ANKRD30A: variants seen among roughly 807,000 people sequenced by gnomAD.
The protein encoded by ANKRD30A is ankyrin repeat domain-containing protein 30A.
In ANKRD30A, 170 loss-of-function variants were observed where a neutral mutation model predicts 166.3. The observed-to-expected ratio is 1.02, with a 90% CI of 0.90 to 1.16. The LOEUF (loss-of-function observed/expected upper bound fraction) is 1.16, where lower values mean the gene tolerates loss of function less well. Ranked by LOEUF, ANKRD30A falls within the 50% of genes most tolerant of loss-of-function variation. The pLI is 0.00. For missense variants in ANKRD30A, 1,630 were observed against 1,518.0 expected (o/e 1.07, Z -1.23); for synonymous variants, 564 against 508.9 (o/e 1.11, Z -1.46).
rs1841224649 is a variant in ANKRD30A, at chr10:37,197,456, A to C, written c.2692A>C (p.Lys898Gln). Reference sequence around the variant, plus strand: ...TGTTCCAAATAAAGCCTTGGAATTGAAGAATGAACAAACATTGAGAGCAGG... The same window carrying C: ...TGTTCCAAATAAAGCCTTGGAATTGCAGAATGAACAAACATTGAGAGCAGG... ...KSVPNKALEL[K>Q]NEQTLRADQM... The change falls in exon 29 of 36, where the codon AAG (lysine) becomes CAG (glutamine). Residue 898 changes from lysine to glutamine, a missense_variant. Physicochemically the swap from Lys to Gln is moderately conservative, Grantham distance 53 (BLOSUM62 1). Around this residue, in one of 4 missense-constraint regions of ANKRD30A, gnomAD observed 712 missense variants for 629.3 expected, o/e 1.13. Coordinates refer to ENST00000361713, the MANE Select transcript of ANKRD30A (RefSeq NM_052997.3). 6.2e-7 allele frequency: 1 copy of C among 1,612,408 alleles called. No homozygotes were observed. The highest frequency in any genetic ancestry group is 8.5e-7 in the Non-Finnish European group (1 of 1,179,706).
intron 15 of ANKRD30A, 26 bp from the exon 16 acceptor site, chr10:37,162,623 G>A (rs1288966250): frequency 6.2e-7 from 1 of 1,611,554 alleles, no homozygotes; most frequent in Non-Finnish European, 8.5e-7. Context: ...ACATATGATT[G>A]ATGATAAATC....
At chr10:37,161,558 A>G (rs1838873004) in intron 15 of ANKRD30A, among the ~76,000 whole-genome samples, 1 of 152,140 alleles carries the variant, frequency 6.6e-6, no homozygotes, top group African/African-American at 2.4e-5. Flanking sequence ...GACTCTGAGA[A>G]GAACAGTTGA....
At position 37,133,960 on chromosome 10, in the gene ANKRD30A, T is replaced by C. The variant is rs1347646905; in HGVS notation, c.662T>C (p.Val221Ala). The change falls in exon 5 of 36, where the codon GTT becomes GCT. Residue 221 changes from valine to alanine, a missense_variant. Transcript: ENST00000361713. Reference sequence around the variant, plus strand: ...GTATGTCATGGATCATCAGAGATAGTTGGCATGCTTCTTCAGCAAAATGTT... The same window carrying C: ...GTATGTCATGGATCATCAGAGATAGCTGGCATGCTTCTTCAGCAAAATGTT... Reference protein sequence around the residue: ...LAVCHGSSEIVGMLLQQNVDV... With the variant: ...LAVCHGSSEIAGMLLQQNVDV... The C allele has an allele frequency of 6.2e-7, 1 of 1,614,120 alleles. No individual in the cohort carries two copies. Among genetic ancestry groups the C allele is most frequent in the Non-Finnish European group, 8.5e-7 (1 of 1,179,974 alleles).
chr10:37,241,524 T>C, the ANKRD30A span, among the ~76,000 whole-genome samples: 1 of 152,058 alleles, frequency 6.6e-6, no homozygotes, highest in Non-Finnish European at 1.5e-5. Flanking sequence ...TATTGAGTTT[T>C]ACATACTCAA....
At chr10:37,243,219 C>T in the ANKRD30A span, among the ~76,000 whole-genome samples, 1 of 150,456 alleles carries the variant, frequency 6.6e-6, no homozygotes, top group Non-Finnish European at 1.5e-5. Flanking sequence ...ACTGCAAGCT[C>T]CGCCTCCTGG....
Position 37,133,905 on chromosome 10 carries a change from T to G in ANKRD30A, c.618-11T>G, listed in dbSNP as rs562766397. The G allele has an allele frequency of 6.2e-7, 1 of 1,613,168 alleles. No homozygotes were observed. Among genetic ancestry groups the G allele is most frequent in the Non-Finnish European group, 8.5e-7 (1 of 1,179,614 alleles). On this transcript the variant is annotated splice_polypyrimidine_tract_variant and intron_variant, in intron 4 of 35. Coordinates refer to ENST00000361713, the MANE Select transcript of ANKRD30A (RefSeq NM_052997.3). ...GCTCATAATAATGAAGTTATCTCTT[T>G]GTTATTTTAGCACAGCCCTCATGCT...
chr10:37,193,540 A>T (rs1430550334), intron 27 of ANKRD30A, among the ~76,000 whole-genome samples: 1 of 151,944 alleles, frequency 6.6e-6, no homozygotes, highest in African/African-American at 2.4e-5. Flanking sequence ...GCTTGGTTTT[A>T]AGGTAGGTGA....
chr10:37,164,876 T>A (rs1412178745), intron 17 of ANKRD30A, among the ~76,000 whole-genome samples: 3 of 152,028 alleles, frequency 2.0e-5, no homozygotes, highest in Non-Finnish European at 4.4e-5. Flanking sequence ...AAATTTCTAT[T>A]TTTCTGCATT....
chr10:37,239,292 A>AT, the ANKRD30A span, among the ~76,000 whole-genome samples: 1 of 152,150 alleles, frequency 6.6e-6, no homozygotes, highest in Non-Finnish European at 1.5e-5. Context: ...TCAAGCTAAC[A>AT]TTGAAAACTG....
rs766859767 is a variant in ANKRD30A, at chr10:37,165,107, A to T, written c.2016A>T (p.Pro672=). The T allele has an allele frequency of 1.6e-5, 26 of 1,609,212 alleles. No homozygotes were observed. In the South Asian group the frequency reaches 2.1e-4, roughly 13 times the overall value. Residue 672 remains proline, a synonymous_variant, in exon 18 of 36, where the codon CCA becomes CCT. Transcript: ENST00000361713. ...EQTLRADEIL[P]SESKQKDYEE... is the part of the protein sequence containing the mutation. ...AACCTTTTATAGATGAGATACTCCCATCAGAATCCAAACAAAAGGACTATG... is the reference window on the plus strand; with the variant it reads ...AACCTTTTATAGATGAGATACTCCCTTCAGAATCCAAACAAAAGGACTATG...
chr10:37,132,364 T>A lies in ANKRD30A; in HGVS notation c.617+18T>A. On this transcript the variant is annotated intron_variant, in intron 4 of 35. Transcript: ENST00000361713. ...TATAAATGGTATAGTAGTTCTTTTT[T>A]TATTAAAAAACACTTGAGTAGTGTT... The A allele has an allele frequency of 1.4e-6, 2 of 1,451,394 alleles. No individual in the cohort carries two copies. Among genetic ancestry groups the A allele is most frequent in the Non-Finnish European group, 1.9e-6 (2 of 1,071,116 alleles). The allele number at this position is 1,451,394 out of a possible 1,614,324, so 89.9% of individuals were successfully genotyped here.
At chr10:37,231,802 G>A (rs1588967911) in intron 35 of ANKRD30A, 122 bp downstream of exon 35, 1 of 183,004 alleles carries the variant, frequency 5.5e-6, no homozygotes, top group Non-Finnish European at 1.1e-5. Flanking sequence ...CATTACCTGC[G>A]TTAACAAAGA....
chr10:37,145,994 A>C (rs1837481612), intron 8 of ANKRD30A, among the ~76,000 whole-genome samples: 1 of 152,300 alleles, frequency 6.6e-6, no homozygotes, highest in Non-Finnish European at 1.5e-5. Context: ...TGTGGTAGCC[A>C]TGCTTATAGC....
At chr10:37,159,412 G>T (rs749416145) in intron 15 of ANKRD30A, among the ~76,000 whole-genome samples, 2 of 152,130 alleles carry the variant, frequency 1.3e-5, no homozygotes, top group Admixed American at 1.3e-4. Context: ...CAGCTACTCT[G>T]GAGGCTGAGG....
chr10:37,134,008 G>T lies in ANKRD30A; in HGVS notation c.710G>T (p.Cys237Phe), dbSNP rs1370831316. Reference sequence around the variant, plus strand: ...GTTGACGTCTTTGCTGCAGATATATGTGGAGTAACTGCAGAACATTATGCT... The same window carrying T: ...GTTGACGTCTTTGCTGCAGATATATTTGGAGTAACTGCAGAACATTATGCT... ...QNVDVFAADI[C>F]GVTAEHYAVT... Residue 237 changes from cysteine to phenylalanine, a missense_variant, in exon 5 of 36, where the codon TGT (cysteine) becomes TTT (phenylalanine). Physicochemically the swap from Cys to Phe is radical, Grantham distance 205 (BLOSUM62 -2). Coordinates refer to ENST00000361713, the MANE Select transcript of ANKRD30A (RefSeq NM_052997.3). 6.2e-7 allele frequency: 1 copy of T among 1,614,048 alleles called. No homozygotes were observed. Among genetic ancestry groups the T allele is most frequent in the South Asian group, 1.1e-5 (1 of 91,080 alleles).
In ANKRD30A at chr10:37,152,050, C is replaced by T; in HGVS notation, c.1646-10C>T. ...TTGTCATGAATGTTTCTGTGATTAACCTTTTATAGATCCGATGTTCCCACC... is the reference window on the plus strand; with the variant it reads ...TTGTCATGAATGTTTCTGTGATTAATCTTTTATAGATCCGATGTTCCCACC... On this transcript the variant is annotated splice_polypyrimidine_tract_variant and intron_variant, in intron 11 of 35. Coordinates refer to ENST00000361713, the MANE Select transcript of ANKRD30A (RefSeq NM_052997.3). 1 of 1,602,802 alleles carries T rather than the reference C, an allele frequency of 6.2e-7. No homozygotes were observed. The highest frequency in any genetic ancestry group is 8.5e-7 in the Non-Finnish European group (1 of 1,173,036).
Position 37,145,025 on chromosome 10 carries a change from A to G in ANKRD30A, c.1424A>G (p.Glu475Gly), listed in dbSNP as rs1837398601. Residue 475 changes from glutamate (E) to glycine (G), a missense_variant, in exon 8 of 36, where the codon GAG becomes GGG. Transcript: ENST00000361713. Reference sequence around the variant, plus strand: ...AGGTTCCCATCAGAATCCAAACAAGAGGAAGATGAAGAATATTCTTGTGAT... The same window carrying G: ...AGGTTCCCATCAGAATCCAAACAAGGGGAAGATGAAGAATATTCTTGTGAT... ...DQRFPSESKQ[E>G]EDEEYSCDSR... The G allele has an allele frequency of 6.2e-7, 1 of 1,601,192 alleles. No homozygotes were observed. The highest frequency in any genetic ancestry group is 8.5e-7 in the Non-Finnish European group (1 of 1,173,690).
At chr10:37,146,845 T>A (rs1837542820) in intron 8 of ANKRD30A, among the ~76,000 whole-genome samples, 1 of 152,202 alleles carries the variant, frequency 6.6e-6, no homozygotes, top group African/African-American at 2.4e-5. Flanking sequence ...TTATGACTAC[T>A]TTAATTTGTT....
At chr10:37,244,461 A>G in the ANKRD30A span, among the ~76,000 whole-genome samples, 5 of 152,218 alleles carry the variant, frequency 3.3e-5, no homozygotes, top group African/African-American at 4.8e-5. Context: ...GAGACCTCAG[A>G]TGAGATTTGT....
Sources: gnomAD v4.1 joint callset for allele counts (sites outside exome capture counted in the v4.1 genomes callset) on GRCh38, gnomAD v4.1.1 for gene constraint, gnomAD v4.1.1 regional missense constraint, MANE v1.5 for transcripts, NCBI Gene and HGNC (gene_info 2026-07-23, HGNC 2026-07-21) for gene names.